Variants in CRHR1 observed in about 807,000 individuals in gnomAD.
CRHR1 encodes the protein corticotropin releasing hormone receptor 1.
In CRHR1, 28 loss-of-function variants were observed where a neutral mutation model predicts 56.0. That is an observed-to-expected ratio of 0.50 (90% CI 0.37 to 0.69). CRHR1 has a LOEUF of 0.69. CRHR1 is among the 30% of genes least tolerant of loss of function. The pLI is 0.00. For missense variants in CRHR1, 376 were observed against 548.0 expected (o/e 0.69, Z 3.13); for synonymous variants, 195 against 216.5 (o/e 0.90, Z 0.87).
chr17:45,831,625 A>G (rs150311021), intron 8 of CRHR1, among the ~76,000 whole-genome samples: 138 of 152,346 alleles, frequency 9.1e-4, no homozygotes, highest in African/African-American at 3.2e-3. Context: ...ATCAGGCGCA[A>G]TTGGTCTGGG....
At chr17:45,802,813 C>T (rs1054848460) in intron 1 of CRHR1, among the ~76,000 whole-genome samples, 6 of 152,182 alleles carry the variant, frequency 3.9e-5, no homozygotes, top group African/African-American at 9.7e-5. Flanking sequence ...CATTTTCTGA[C>T]GAATCAAGAT....
chr17:45,821,508 C>A, intron 4 of CRHR1, 68 bp downstream of exon 4: 2 of 1,439,534 alleles, frequency 1.4e-6, no homozygotes, highest in Non-Finnish European at 1.9e-6. Context: ...AGTTTTGTGC[C>A]TGCTACTTGG....
chr17:45,791,852 T>TCTCTCACA (rs60388646), intron 1 of CRHR1, among the ~76,000 whole-genome samples: 48 of 121,092 alleles, frequency 4.0e-4, no homozygotes, highest in Non-Finnish European at 7.2e-4. Context: ...TCTCTCTCTC[T>TCTCTCACA]CACACACACA....
In CRHR1 at chr17:45,784,898, G is replaced by T. The variant is rs2061304534; in HGVS notation, c.33+321G>T. On this transcript the variant is annotated intron_variant, in intron 1 of 12. Coordinates refer to ENST00000314537, the MANE Select transcript of CRHR1 (RefSeq NM_004382.5). The surrounding 1 kb of genome is among the most constrained non-coding windows in gnomAD (Gnocchi z 4.2). Reference sequence around the variant, plus strand: ...CGGGCAGACGCCTAGGGGAGGGGAGGTTCCACCTCCCACGCCCTTCCTGCA... The same window carrying T: ...CGGGCAGACGCCTAGGGGAGGGGAGTTTCCACCTCCCACGCCCTTCCTGCA... Among the ~76,000 whole-genome samples, 1 of 152,106 alleles carries T rather than the reference G, an allele frequency of 6.6e-6. No homozygotes were observed. Among genetic ancestry groups the T allele is most frequent in the South Asian group, 2.1e-4 (1 of 4,822 alleles).
chr17:45,790,715 G>A (rs534776475), intron 1 of CRHR1, among the ~76,000 whole-genome samples: 2 of 152,252 alleles, frequency 1.3e-5, no homozygotes, highest in South Asian at 2.1e-4. Context: ...GAGCCAGTGC[G>A]CCTAGGTCAG....
chr17:45,788,771 A>G (rs2061378135), intron 1 of CRHR1, among the ~76,000 whole-genome samples: 1 of 152,226 alleles, frequency 6.6e-6, no homozygotes, highest in African/African-American at 2.4e-5. Context: ...CACGGCACTG[A>G]GCCTCACAAT....
chr17:45,830,037 T>C, intron 5 of CRHR1, 57 bp from the exon 6 acceptor site: 1 of 1,608,928 alleles, frequency 6.2e-7, no homozygotes, highest in Non-Finnish European at 8.5e-7. Flanking sequence ...GGAGGTGGCC[T>C]ACCCCTCATC....
chr17:45,817,385 G>C (rs1476621929), intron 3 of CRHR1, among the ~76,000 whole-genome samples: 3 of 152,180 alleles, frequency 2.0e-5, no homozygotes, highest in Non-Finnish European at 4.4e-5. Context: ...TGCACCCTTG[G>C]GTCCTTGTGG....
At position 45,834,878 on chromosome 17, in the gene CRHR1, A is replaced by G. The variant is rs2062404172; in HGVS notation, c.*114A>G. On this transcript the variant is annotated 3_prime_UTR_variant, in exon 13 of 13. Coordinates refer to ENST00000314537, the MANE Select transcript of CRHR1 (RefSeq NM_004382.5). ...TGTTAGGTCTCATGCCCACTCCCCC[A>G]GGAGCAGCTGGCACTGACAGCCTGG... 1 of 1,425,442 alleles carries G rather than the reference A, an allele frequency of 7.0e-7. No individual in the cohort carries two copies. The highest frequency in any genetic ancestry group is 1.4e-5 in the African/African-American group (1 of 71,310). The allele number at this position is 1,425,442 out of a possible 1,614,324, so 88.3% of individuals were successfully genotyped here.
intron 1 of CRHR1, among the ~76,000 whole-genome samples, chr17:45,798,545 A>T (rs961683787): frequency 1.8e-4 from 27 of 150,890 alleles, no homozygotes; most frequent in Non-Finnish European, 2.5e-4. Flanking sequence ...AAAAAAAAAA[A>T]GCCAAACACA....
chr17:45,816,923 G>A (rs189237235), intron 3 of CRHR1, among the ~76,000 whole-genome samples: 1 of 152,264 alleles, frequency 6.6e-6, no homozygotes, highest in Admixed American at 6.5e-5. Flanking sequence ...TAAACTTCAG[G>A]TTAGTCTGTT....
At chr17:45,828,559 T>C (rs2062218644) in intron 4 of CRHR1, among the ~76,000 whole-genome samples, 1 of 152,168 alleles carries the variant, frequency 6.6e-6, no homozygotes, top group Non-Finnish European at 1.5e-5. Context: ...CCGGGGAATG[T>C]GTTACAGTCC....
In CRHR1 at chr17:45,821,302, C is replaced by T. The variant is rs569841156; in HGVS notation, c.242-53C>T. 16 of 1,534,824 alleles carry T rather than the reference C, an allele frequency of 1.0e-5. No individual in the cohort carries two copies. In the East Asian group the frequency reaches 2.9e-4, roughly 28 times the overall value. On this transcript the variant is annotated intron_variant, in intron 3 of 12. Coordinates refer to ENST00000314537, the MANE Select transcript of CRHR1 (RefSeq NM_004382.5). ...ACGCATCCATCTGGGCCAGGATGGT[C>T]AGGCAGGGGCCGGGGCTGCCCCGCC...
At chr17:45,815,666 T>G (rs2061912512) in intron 2 of CRHR1, among the ~76,000 whole-genome samples, 1 of 152,220 alleles carries the variant, frequency 6.6e-6, no homozygotes, top group African/African-American at 2.4e-5. Context: ...TTCAACCACT[T>G]GATTTTATTA....
At chr17:45,807,195 C>T (rs564501096) in intron 2 of CRHR1, 98 bp downstream of exon 2, 7 of 1,087,106 alleles carry the variant, frequency 6.4e-6, no homozygotes, top group Admixed American at 4.0e-5. Context: ...TGCCCTAAGG[C>T]AGGATTTGCA....
At chr17:45,819,777 C>CA (rs1476232161) in intron 3 of CRHR1, among the ~76,000 whole-genome samples, 1 of 152,228 alleles carries the variant, frequency 6.6e-6, no homozygotes, top group Non-Finnish European at 1.5e-5. Flanking sequence ...TCCCACTGGC[C>CA]AGCTGTAGCT....
intron 3 of CRHR1, among the ~76,000 whole-genome samples, chr17:45,819,617 G>C (rs1048127588): frequency 3.9e-5 from 6 of 152,112 alleles, no homozygotes; most frequent in African/African-American, 1.4e-4. Context: ...AAACCCACTG[G>C]GTGAGCCTCA....
chr17:45,816,317 C>A lies in CRHR1; in HGVS notation c.122-146C>A, dbSNP rs928549962. The A allele has an allele frequency of 6.4e-6, 7 of 1,091,890 alleles. No homozygotes were observed. The South Asian group carries it at 1.1e-4, about 18-fold the overall frequency. 67.6% of individuals were successfully genotyped at this position (1,091,890 alleles called of 1,614,324 possible). On this transcript the variant is annotated intron_variant, in intron 2 of 12. Coordinates refer to ENST00000314537, the MANE Select transcript of CRHR1 (RefSeq NM_004382.5). ...TTCTTTGCATAGGATGAGCTCATTT[C>A]TGCACTGGTCATTGTTGTCATCCTG...
chr17:45,807,048 C>A lies in CRHR1; in HGVS notation c.72C>A (p.Ser24=), dbSNP rs369514071. The A allele has an allele frequency of 6.2e-7, 1 of 1,614,114 alleles. No individual in the cohort carries two copies. Among genetic ancestry groups the A allele is most frequent in the Non-Finnish European group, 8.5e-7 (1 of 1,180,006 alleles). ...TGGGGCTGAACCCCGTCTCTGCCTC[C>A]CTCCAGGACCAGCACTGCGAGAGCC... ...LLLGLNPVSA[S]LQDQHCESLS... Residue 24 remains serine, a synonymous_variant, in exon 2 of 13, where the codon TCC becomes TCA. Transcript: ENST00000314537.
Sources: gnomAD v4.1 joint callset for allele counts (sites outside exome capture counted in the v4.1 genomes callset) on GRCh38, gnomAD v4.1.1 for gene constraint, Gnocchi (gnomAD v3.1) non-coding constraint, MANE v1.5 for transcripts, NCBI Gene and HGNC (gene_info 2026-07-23, HGNC 2026-07-21) for gene names.